The following NRXN1 variants were observed in gnomAD, a reference collection of about 807,000 sequenced individuals.
NRXN1 encodes the protein neurexin-1.
NRXN1 carries 39 observed loss-of-function variants against 150.9 expected under a neutral mutation model. The observed-to-expected ratio is 0.26, with a 90% CI of 0.20 to 0.34. NRXN1 has a LOEUF of 0.34. Ranked by LOEUF, NRXN1 falls within the 10% of genes least tolerant of loss-of-function variation. The pLI, the probability that NRXN1 is intolerant of heterozygous loss-of-function variation, is 1.00. For missense variants in NRXN1, 1,815 were observed against 1,949.9 expected, an observed-to-expected ratio of 0.93 and a Z score of 1.30; for synonymous variants, 924 against 757.0, an observed-to-expected ratio of 1.22 and a Z score of -3.62.
At chr2:50,205,133 G>A (rs1161978365) in intron 18 of NRXN1, among the ~76,000 whole-genome samples, 1 of 152,092 alleles carries the variant, frequency 6.6e-6, no homozygotes, top group Admixed American at 6.6e-5. Context: ...CAGAGTTGAT[G>A]AGAACCCAGA....
At chr2:50,367,340 C>T (rs1017834782) in intron 17 of NRXN1, among the ~76,000 whole-genome samples, 1 of 151,982 alleles carries the variant, frequency 6.6e-6, no homozygotes, top group Non-Finnish European at 1.5e-5. Flanking sequence ...CACTTTCAAC[C>T]AGGAGGTATC....
chr2:50,018,151 C>A (rs1261937580), intron 21 of NRXN1, among the ~76,000 whole-genome samples: 1 of 152,138 alleles, frequency 6.6e-6, no homozygotes, highest in South Asian at 2.1e-4. Context: ...CTGGCAGAAT[C>A]TGGAACTATA....
intron 5 of NRXN1, among the ~76,000 whole-genome samples, chr2:50,790,454 T>C (rs1705779714): frequency 6.6e-6 from 1 of 151,844 alleles, no homozygotes; most frequent in South Asian, 2.1e-4. Context: ...ATAAATAAAA[T>C]CAAAACCAAA....
At chr2:50,524,720 T>C (rs1352582467) in intron 12 of NRXN1, among the ~76,000 whole-genome samples, 1 of 152,074 alleles carries the variant, frequency 6.6e-6, no homozygotes, top group Non-Finnish European at 1.5e-5. Flanking sequence ...CTATAGTTGA[T>C]AGGAGCAAGT....
chr2:50,450,327 G>C (rs1264070196), intron 17 of NRXN1, among the ~76,000 whole-genome samples: 1 of 151,444 alleles, frequency 6.6e-6, no homozygotes, highest in Non-Finnish European at 1.5e-5. Context: ...CACTTAAATT[G>C]TTAGTTATCT....
At chr2:50,465,778 A>G (rs548694406) in intron 16 of NRXN1, among the ~76,000 whole-genome samples, 7 of 151,922 alleles carry the variant, frequency 4.6e-5, no homozygotes, top group Non-Finnish European at 1.0e-4. Flanking sequence ...TTATAATCAT[A>G]AACTAAACCA....
chr2:50,059,665 T>C (rs1694197216), intron 19 of NRXN1, among the ~76,000 whole-genome samples: 1 of 152,086 alleles, frequency 6.6e-6, no homozygotes, highest in Admixed American at 6.5e-5. Flanking sequence ...AAAATGTTTT[T>C]GTGGGCTGAG....
intron 17 of NRXN1, among the ~76,000 whole-genome samples, chr2:50,461,787 C>A (rs2088249597): frequency 2.0e-5 from 3 of 151,852 alleles, no homozygotes; most frequent in Non-Finnish European, 4.4e-5. Flanking sequence ...AAGGAAGTTT[C>A]CATGGGACAA....
At chr2:50,663,196 C>A (rs1289447076) in intron 5 of NRXN1, among the ~76,000 whole-genome samples, 1 of 152,060 alleles carries the variant, frequency 6.6e-6, no homozygotes, top group Non-Finnish European at 1.5e-5. Context: ...GAAACACCAT[C>A]CACATACTAT....
At chr2:50,300,216 A>G (rs2074023302) in intron 17 of NRXN1, among the ~76,000 whole-genome samples, 1 of 152,254 alleles carries the variant, frequency 6.6e-6, no homozygotes. Flanking sequence ...TCAAAATGTC[A>G]TTTTAACTTT....
At chr2:50,323,261 G>C (rs2152976210) in intron 17 of NRXN1, among the ~76,000 whole-genome samples, 2 of 152,256 alleles carry the variant, frequency 1.3e-5, no homozygotes, top group Admixed American at 1.3e-4. Context: ...GAGCCTCACA[G>C]TCAGAGTTCC....
intron 18 of NRXN1, among the ~76,000 whole-genome samples, chr2:50,095,528 T>G (rs1186588864): frequency 6.6e-6 from 1 of 152,152 alleles, no homozygotes; most frequent in Non-Finnish European, 1.5e-5. Flanking sequence ...TATTAATTAT[T>G]AAGAAGGTCT....
intron 2 of NRXN1, among the ~76,000 whole-genome samples, chr2:51,003,306 C>T (rs898027801): frequency 2.0e-5 from 3 of 151,794 alleles, no homozygotes; most frequent in African/African-American, 4.8e-5. Context: ...ACTTATTTAC[C>T]CTGTAGCATA....
At chr2:50,815,471 C>A (rs1225461840) in intron 5 of NRXN1, among the ~76,000 whole-genome samples, 1 of 152,096 alleles carries the variant, frequency 6.6e-6, no homozygotes, top group African/African-American at 2.4e-5. Context: ...AGCATTGGGT[C>A]ATTTCTGTGT....
rs188278906 is a variant in NRXN1 at position 50,619,061 on chromosome 2, T to C, written c.1320+961A>G. 61 of 152,248 alleles carry C rather than the reference T, an allele frequency of 4.0e-4. 1 individual carries two copies. Among genetic ancestry groups the C allele is most frequent in the African/African-American group, 1.4e-3 (60 of 41,556 alleles). 9.4% of individuals were successfully genotyped at this position (152,248 alleles called of 1,614,324 possible). ...TAAAGAGAAGACAGGGAAGGATAAT[T>C]CAGTAGTAATTGTTTTTCCCTAATG... is the stretch of plus-strand genomic sequence containing the variant. On this transcript the variant is annotated intron_variant, in intron 8 of 22. Coordinates refer to ENST00000401669, the MANE Select transcript of NRXN1 (RefSeq NM_001330078.2).
At chr2:51,000,231 T>C (rs1381011766) in intron 2 of NRXN1, among the ~76,000 whole-genome samples, 1 of 152,034 alleles carries the variant, frequency 6.6e-6, no homozygotes, top group Non-Finnish European at 1.5e-5. Context: ...GAAGACTGAA[T>C]GTGTTCACCC....
intron 18 of NRXN1, among the ~76,000 whole-genome samples, chr2:50,171,126 AG>A (rs2060004686): frequency 1.3e-5 from 2 of 152,048 alleles, no homozygotes; most frequent in Non-Finnish European, 2.9e-5. Flanking sequence ...AGGCTGAGGA[AG>A]AGAAGGAAGA....
At chr2:50,888,193 C>T (rs1326133491) in intron 5 of NRXN1, among the ~76,000 whole-genome samples, 1 of 151,294 alleles carries the variant, frequency 6.6e-6, no homozygotes, top group East Asian at 1.9e-4. Context: ...AATACTAACC[C>T]CAAACATTAA....
At chr2:50,237,044 T>C in intron 17 of NRXN1, 74 bp from the exon 18 acceptor site, 3 of 1,387,896 alleles carry the variant, frequency 2.2e-6, no homozygotes, top group Non-Finnish European at 2.0e-6. Context: ...GTTATATTGA[T>C]ATATCAGTAA....
Sources: allele counts gnomAD v4.1 joint callset (sites outside exome capture counted in the v4.1 genomes callset), GRCh38; gene constraint gnomAD v4.1.1; transcripts MANE v1.5; gene names NCBI Gene and HGNC (gene_info 2026-07-23, HGNC 2026-07-21).